Variants in BICRA observed in about 807,000 individuals in gnomAD.
BICRA encodes the protein BRD4-interacting chromatin-remodeling complex-associated protein.
In BICRA, 31 loss-of-function variants were observed where a neutral mutation model predicts 96.9. The ratio of observed to expected loss-of-function variants is 0.32; its 90% CI spans 0.24 to 0.43. BICRA has a LOEUF of 0.43. Among genes scored for constraint, BICRA ranks in the 20% least tolerant of loss-of-function variants. The pLI is 1.00. For synonymous variants in BICRA, 1,350 were observed against 1,071.8 expected, an observed-to-expected ratio of 1.26 and a Z score of -5.07; for missense variants, 2,283 against 2,190.3, an observed-to-expected ratio of 1.04 and a Z score of -0.84.
At chr19:47,628,687 C>G (rs1476926341) in intron 1 of BICRA, among the ~76,000 whole-genome samples, 1 of 152,090 alleles carries the variant, frequency 6.6e-6, no homozygotes, top group Non-Finnish European at 1.5e-5. Flanking sequence ...TCATTGCAGT[C>G]TCAACATCCT....
At chr19:47,672,651 G>T (rs535743590) in intron 2 of BICRA, among the ~76,000 whole-genome samples, 2 of 151,966 alleles carry the variant, frequency 1.3e-5, no homozygotes, top group Non-Finnish European at 2.9e-5. Context: ...ATTTGGAGGG[G>T]TGTTTGAGGG....
intron 1 of BICRA, among the ~76,000 whole-genome samples, chr19:47,665,982 C>G (rs1474842266): frequency 1.3e-5 from 2 of 152,222 alleles, no homozygotes; most frequent in African/African-American, 4.8e-5. Context: ...TGGGAGTCGC[C>G]CCATTAGATA....
rs1426961840 is a variant in BICRA, at chr19:47,679,651, C to G, written c.481C>G (p.Pro161Ala). The G allele has an allele frequency of 6.6e-7, 1 of 1,512,176 alleles. No homozygotes were observed. Among genetic ancestry groups the G allele is most frequent in the South Asian group, 1.3e-5 (1 of 78,848 alleles). The allele number at this position is 1,512,176 out of a possible 1,614,324, so 93.7% of individuals were successfully genotyped here. A position where few individuals can be genotyped will look rare whatever the true frequency, so the allele number is the denominator to read the frequency against. ...GGCTGCGGGGCCCCAAGCCCTCTTC[C>G]CAGGCAGCACCGACCTGCTGGGGCT... ...AVAAGPQALFPGSTDLLGLQG... is the reference protein window; with the variant it reads ...AVAAGPQALFAGSTDLLGLQG... The change falls in exon 6 of 15, where the codon CCA (proline) becomes GCA (alanine). Residue 161 changes from proline to alanine, a missense_variant. Pro to Ala is a conservative substitution (Grantham distance 27). Coordinates refer to ENST00000594866, the MANE Select transcript of BICRA (RefSeq NM_001394372.1).
intron 7 of BICRA, among the ~76,000 whole-genome samples, chr19:47,688,780 G>A (rs1366825625): frequency 6.6e-6 from 1 of 150,806 alleles, no homozygotes; most frequent in African/African-American, 2.4e-5. Context: ...GTGACAGAGC[G>A]AGACTCCGTC....
At chr19:47,610,346 C>G (rs1405047395) in intron 1 of BICRA, among the ~76,000 whole-genome samples, 1 of 152,230 alleles carries the variant, frequency 6.6e-6, no homozygotes, top group Non-Finnish European at 1.5e-5. Flanking sequence ...CCGGGAGGAC[C>G]GGGCAAGGAG....
At chr19:47,616,044 G>A (rs1971979764) in intron 1 of BICRA, 2 of 152,432 alleles carry the variant, frequency 1.3e-5, no homozygotes, top group South Asian at 2.1e-4. Context: ...AACAATGTTG[G>A]CATTCTAAAC....
intron 4 of BICRA, among the ~76,000 whole-genome samples, 181 bp downstream of exon 4, chr19:47,673,943 A>G (rs2096002952): frequency 6.6e-6 from 1 of 152,162 alleles, no homozygotes; most frequent in Non-Finnish European, 1.5e-5. Context: ...CCTTCCATGG[A>G]CACCTCCTTG....
In BICRA at chr19:47,675,911, C is replaced by T. The variant is rs1385590427; in HGVS notation, c.145C>T (p.Pro49Ser). ...GGCCCAAAGTGCCTTCTATGAAGGT[C>T]CTGGGGTAAGTGCCGTGGCTCCCGA... Reference protein sequence around the residue: ...GEAQSAFYEGPGLHVQEASGN... With the variant: ...GEAQSAFYEGSGLHVQEASGN... Residue 49 changes from proline to serine, a missense_variant, in exon 5 of 15, where the codon CCT becomes TCT. Coordinates refer to ENST00000594866, the MANE Select transcript of BICRA (RefSeq NM_001394372.1). The surrounding 1 kb of genome is among the most constrained non-coding windows in gnomAD (Gnocchi z 4.7). 1.2e-6 allele frequency: 2 copies of T among 1,604,486 alleles called. No homozygotes were observed. The highest frequency in any genetic ancestry group is 2.2e-5 in the South Asian group (2 of 89,574).
intron 5 of BICRA, among the ~76,000 whole-genome samples, chr19:47,678,523 G>A (rs953823253): frequency 2.6e-5 from 4 of 152,166 alleles, no homozygotes; most frequent in African/African-American, 7.2e-5. Flanking sequence ...GTTGGGCGCC[G>A]GGACCAGTGG....
intron 4 of BICRA, 120 bp downstream of exon 4, chr19:47,673,882 C>A: frequency 1.1e-6 from 1 of 880,880 alleles, no homozygotes; most frequent in Non-Finnish European, 1.9e-6. Flanking sequence ...CTTCTAACGC[C>A]AGGCACTGGA....
intron 1 of BICRA, among the ~76,000 whole-genome samples, chr19:47,664,563 A>C (rs1972747942): frequency 6.6e-6 from 1 of 152,178 alleles, no homozygotes; most frequent in Admixed American, 6.5e-5. Context: ...GTGCATCAGC[A>C]GTGCTTCCGT....
At chr19:47,609,083 C>T (rs991316336), upstream of BICRA, 15 of 148,126 alleles carry the variant, frequency 1.0e-4, no homozygotes, top group Non-Finnish European at 2.1e-4. Flanking sequence ...ACCGGCCCGG[C>T]CGGCCGGCCC....
chr19:47,619,339 C>T (rs971576277), intron 1 of BICRA, among the ~76,000 whole-genome samples: 2 of 151,506 alleles, frequency 1.3e-5, no homozygotes, highest in East Asian at 3.9e-4. Context: ...CTCGTTGCAA[C>T]CTCCGCCTCC....
At chr19:47,664,819 A>G (rs1478856725) in intron 1 of BICRA, among the ~76,000 whole-genome samples, 1 of 152,158 alleles carries the variant, frequency 6.6e-6, no homozygotes, top group Admixed American at 6.6e-5. Context: ...CAGGGGAACT[A>G]TGTGATGGCT....
At position 47,695,448 on chromosome 19, in the gene BICRA, G is replaced by A. The variant is rs753123798; in HGVS notation, c.3160G>A (p.Gly1054Arg). ...GAATGTGGCCAAGGCCGCTTCCTCC[G>A]GGCCAGGGAAGCCCTCCGGGCTGCA... is the stretch of plus-strand genomic sequence containing the variant. ...TLNVAKAASS[G>R]PGKPSGLQYE... The change falls in exon 10 of 15, where the codon GGG becomes AGG. Residue 1054 changes from glycine to arginine, a missense_variant. By Grantham distance (125) the Gly-to-Arg change is moderately radical. Transcript: ENST00000594866. 3.6e-5 allele frequency: 56 copies of A among 1,574,224 alleles called. No homozygotes were observed. In the South Asian group the frequency reaches 4.0e-4, roughly 11 times the overall value.
At chr19:47,685,786 TGC>T (rs67811590) in intron 7 of BICRA, among the ~76,000 whole-genome samples, 4,843 of 117,696 alleles carry the variant, frequency 0.041, 113 homozygotes, top group East Asian at 0.062. Flanking sequence ...TGTGTGTGTG[TGC>T]GCGCGCGCGC....
Position 47,609,186 on chromosome 19 carries a change from T to G in BICRA, c.-108+18T>G, listed in dbSNP as rs1415139101. ...ACATCAGGGTGAGTTTCTCACAATG[T>G]AGCAATTTCTCTTTAAATCTCTTAA... On this transcript the variant is annotated intron_variant, in intron 1 of 14. Transcript: ENST00000594866. 1 of 149,848 alleles carries G rather than the reference T, an allele frequency of 6.7e-6. No homozygotes were observed. The highest frequency in any genetic ancestry group is 1.5e-5 in the Non-Finnish European group (1 of 67,480). The allele number at this position is 149,848 out of a possible 1,614,324, so 9.3% of individuals were successfully genotyped here.
In BICRA at chr19:47,699,191, G is replaced by A. The variant is rs45620535; in HGVS notation, c.3493-112G>A. 1,023 of 882,648 alleles carry A rather than the reference G, an allele frequency of 1.2e-3. 1 individual carries two copies. Among genetic ancestry groups the A allele is most frequent in the Non-Finnish European group, 1.6e-3 (891 of 542,986 alleles). The allele number at this position is 882,648 out of a possible 1,614,324, so 54.7% of individuals were successfully genotyped here. A position where few individuals can be genotyped will look rare whatever the true frequency, so the allele number is the denominator to read the frequency against. ...CCGGGAGGGAGGTTGGGAGGGAGGC[G>A]GGAGCTCCCATCACAAGGACAGTTT... On this transcript the variant is annotated intron_variant, in intron 13 of 14. Transcript: ENST00000594866. This position sits in a 1 kb window ranked among gnomAD's most constrained non-coding sequence, Gnocchi z 5.0.
intron 1 of BICRA, among the ~76,000 whole-genome samples, chr19:47,638,227 G>T (rs181481680): frequency 6.6e-6 from 1 of 152,142 alleles, no homozygotes; most frequent in African/African-American, 2.4e-5. Flanking sequence ...AGGCAGCTCT[G>T]CTCCCCCCTC....
Sources: gnomAD v4.1 joint callset for allele counts (sites outside exome capture counted in the v4.1 genomes callset) on GRCh38, gnomAD v4.1.1 for gene constraint, Gnocchi (gnomAD v3.1) non-coding constraint, MANE v1.5 for transcripts, NCBI Gene and HGNC (gene_info 2026-07-23, HGNC 2026-07-21) for gene names.